TCF20: variants seen among roughly 807,000 people sequenced by gnomAD.
TCF20 encodes SPRE-binding protein.
In TCF20, 3 loss-of-function variants were observed where a neutral mutation model predicts 148.6. The observed-to-expected ratio is 0.02, with a 90% CI of 0.01 to 0.05. The LOEUF (loss-of-function observed/expected upper bound fraction) is 0.05, where lower values mean the gene tolerates loss of function less well. Among genes scored for constraint, TCF20 ranks in the 10% least tolerant of loss-of-function variants. The probability of loss-of-function intolerance (pLI) is 1.00; values close to 1 mark genes in which losing one functional copy is unlikely to be tolerated. For missense variants in TCF20, 2,350 were observed against 2,429.3 expected (o/e 0.97, Z 0.69); for synonymous variants, 1,049 against 909.5 (o/e 1.15, Z -2.76).
At chr22:42,227,816 A>C (rs1923049662) in intron 1 of TCF20, among the ~76,000 whole-genome samples, 1 of 152,180 alleles carries the variant, frequency 6.6e-6, no homozygotes. Flanking sequence ...ATGGTGCTGT[A>C]TTCTTCCCAG....
At chr22:42,231,088 C>T (rs1043819784) in intron 1 of TCF20, among the ~76,000 whole-genome samples, 5 of 151,936 alleles carry the variant, frequency 3.3e-5, no homozygotes, top group African/African-American at 9.7e-5. Flanking sequence ...CTTGAACTCG[C>T]GACATGGAGG....
chr22:42,207,502 A>G (rs1370231307), intron 2 of TCF20, among the ~76,000 whole-genome samples: 1 of 152,180 alleles, frequency 6.6e-6, no homozygotes, highest in Non-Finnish European at 1.5e-5. Flanking sequence ...ATTTTTTAAA[A>G]CATCTCTTTC....
chr22:42,191,094 T>C (rs530078991), intron 2 of TCF20, among the ~76,000 whole-genome samples: 120 of 152,306 alleles, frequency 7.9e-4, no homozygotes, highest in Non-Finnish European at 1.2e-3. Context: ...TTAAATCCAA[T>C]CTATGTCCCC....
chr22:42,277,940 A>AG (rs1926816339), intron 1 of TCF20, among the ~76,000 whole-genome samples: 1 of 152,250 alleles, frequency 6.6e-6, no homozygotes, highest in Non-Finnish European at 1.5e-5. Flanking sequence ...GCCCAGCACA[A>AG]GGAGCTGCTC....
chr22:42,309,171 G>A (rs533349539), intron 1 of TCF20, among the ~76,000 whole-genome samples: 4 of 152,198 alleles, frequency 2.6e-5, no homozygotes, highest in South Asian at 2.1e-4. Flanking sequence ...GAGCGGAGCC[G>A]GCAACCCCTG....
chr22:42,320,638 C>T (rs1230129025), intron 1 of TCF20, among the ~76,000 whole-genome samples: 1 of 152,228 alleles, frequency 6.6e-6, no homozygotes, highest in Non-Finnish European at 1.5e-5. Context: ...GCTGTGTACA[C>T]AGCAGGTGCT....
chr22:42,298,287 G>A (rs1357973319), intron 1 of TCF20, among the ~76,000 whole-genome samples: 1 of 152,204 alleles, frequency 6.6e-6, no homozygotes, highest in African/African-American at 2.4e-5. Flanking sequence ...CATCAGCGGA[G>A]GTGCTCCTGG....
In TCF20 at chr22:42,210,922, C is replaced by T. The variant is rs145325375; in HGVS notation, c.4384G>A (p.Gly1462Ser). 5 of 1,614,038 alleles carry T rather than the reference C, an allele frequency of 3.1e-6. No individual in the cohort carries two copies. Among genetic ancestry groups the T allele is most frequent in the Non-Finnish European group, 4.2e-6 (5 of 1,180,038 alleles). Reference protein sequence around the residue: ...ETVTAGKEPPGAMTSTTSQKP... With the variant: ...ETVTAGKEPPSAMTSTTSQKP... Reference sequence around the variant, plus strand: ...TGTGAGGTTGTGGATGTCATGGCACCAGGGGGTTCCTTTCCGGCAGTAACT... The same window carrying T: ...TGTGAGGTTGTGGATGTCATGGCACTAGGGGGTTCCTTTCCGGCAGTAACT... Residue 1462 changes from glycine to serine, a missense_variant, in exon 2 of 6, where the codon GGT becomes AGT. Physicochemically the swap from Gly to Ser is moderately conservative, Grantham distance 56. This residue lies in a region of TCF20 where 231 missense variants were observed against 213.7 expected (regional missense o/e 1.08). Transcript: ENST00000677622. The surrounding 1 kb of genome is among the most constrained non-coding windows in gnomAD (Gnocchi z 4.7).
intron 1 of TCF20, among the ~76,000 whole-genome samples, chr22:42,225,557 T>C (rs1232127455): frequency 1.4e-5 from 2 of 140,290 alleles, no homozygotes; most frequent in Admixed American, 7.9e-5. Context: ...GAGCTTGCAG[T>C]GAGCCGAGAT....
intron 1 of TCF20, among the ~76,000 whole-genome samples, chr22:42,227,644 T>TCAC (rs1923035362): frequency 6.6e-6 from 1 of 152,228 alleles, no homozygotes. Context: ...GAGCTACATC[T>TCAC]CACCAGTGTC....
At chr22:42,269,393 T>A (rs966167829) in intron 1 of TCF20, among the ~76,000 whole-genome samples, 1 of 152,104 alleles carries the variant, frequency 6.6e-6, no homozygotes, top group African/African-American at 2.4e-5. Context: ...CAGACCGTAT[T>A]GGTATCCGCA....
chr22:42,227,690 C>G (rs1923039576), intron 1 of TCF20, among the ~76,000 whole-genome samples: 1 of 152,238 alleles, frequency 6.6e-6, no homozygotes, highest in South Asian at 2.1e-4. Flanking sequence ...CTCTTCCTGA[C>G]TTCCATGTCC....
At position 42,213,440 on chromosome 22, in the gene TCF20, T is replaced by C; in HGVS notation, c.1866A>G (p.Gly622=). 1 of 1,614,198 alleles carries C rather than the reference T, an allele frequency of 6.2e-7. No homozygotes were observed. The highest frequency in any genetic ancestry group is 8.5e-7 in the Non-Finnish European group (1 of 1,180,030). The change falls in exon 2 of 6, where the codon GGA becomes GGG. Residue 622 remains glycine (G), a synonymous_variant. Transcript: ENST00000677622. ...CATCCTCTTGGGAGCCTTTATCTTG[T>C]CCACCAGGCTTTTCTACCCGACCTG... is the stretch of plus-strand genomic sequence containing the variant. ...AMTGRVEKPG[G]QDKGSQEDDP...
At chr22:42,333,704 G>A (rs1352214780) in intron 1 of TCF20, among the ~76,000 whole-genome samples, 2 of 151,958 alleles carry the variant, frequency 1.3e-5, no homozygotes, top group African/African-American at 4.9e-5. Flanking sequence ...ACTGCTCCAC[G>A]CAGTAGGTAC....
intron 2 of TCF20, among the ~76,000 whole-genome samples, chr22:42,196,119 AG>A (rs1937591332): frequency 6.6e-6 from 1 of 152,230 alleles, no homozygotes; most frequent in Non-Finnish European, 1.5e-5. Flanking sequence ...TGCAAAGGGA[AG>A]GCTGAGTCAG....
chr22:42,215,290 C>T lies in TCF20; in HGVS notation c.16G>A (p.Glu6Lys). Residue 6 changes from glutamate to lysine, a missense_variant, in exon 2 of 6, where the codon GAG becomes AAG. Around this residue, in one of 7 missense-constraint regions of TCF20, gnomAD observed 1,641 missense variants for 1,662.6 expected, o/e 0.99. Coordinates refer to ENST00000677622, the MANE Select transcript of TCF20 (RefSeq NM_001378418.1). MQSFREQSSYHGNQQS... is the reference protein window; with the variant it reads MQSFRKQSSYHGNQQS... ...TGGTTTCCGTGGTAACTGCTTTGCTCCCGAAAGGACTGCATACTGTTCAGC... is the reference window on the plus strand; with the variant it reads ...TGGTTTCCGTGGTAACTGCTTTGCTTCCGAAAGGACTGCATACTGTTCAGC... 2 of 1,613,502 alleles carry T rather than the reference C, an allele frequency of 1.2e-6. No homozygotes were observed. Among genetic ancestry groups the T allele is most frequent in the East Asian group, 2.2e-5 (1 of 44,878 alleles).
At chr22:42,295,730 G>A (rs529607286) in intron 1 of TCF20, among the ~76,000 whole-genome samples, 12 of 152,180 alleles carry the variant, frequency 7.9e-5, no homozygotes, top group Admixed American at 2.6e-4. Flanking sequence ...GTGAGCCACC[G>A]CGCCCGGCCT....
At chr22:42,219,818 T>C (rs1432844213) in intron 1 of TCF20, among the ~76,000 whole-genome samples, 1 of 152,170 alleles carries the variant, frequency 6.6e-6, no homozygotes, top group Non-Finnish European at 1.5e-5. Context: ...ATCGCGCCAC[T>C]GCCCTCCAGC....
intron 2 of TCF20, among the ~76,000 whole-genome samples, chr22:42,187,752 G>A (rs947707127): frequency 6.6e-6 from 1 of 152,214 alleles, no homozygotes; most frequent in Non-Finnish European, 1.5e-5. Flanking sequence ...CCTTCATTAA[G>A]AATGTCCTTC....
Sources: allele counts gnomAD v4.1 joint callset (sites outside exome capture counted in the v4.1 genomes callset), GRCh38; gene constraint gnomAD v4.1.1; regional missense constraint gnomAD v4.1.1; non-coding constraint Gnocchi (gnomAD v3.1); transcripts MANE v1.5; gene names NCBI Gene and HGNC (gene_info 2026-07-23, HGNC 2026-07-21).